Variants in ST6GAL1 observed in about 807,000 individuals in gnomAD.
ST6GAL1 encodes the protein beta-galactoside alpha-2,6-sialyltransferase 1.
A neutral mutation model predicts 38.0 loss-of-function variants in ST6GAL1; 20 were observed. The ratio of observed to expected loss-of-function variants is 0.53; its 90% CI spans 0.37 to 0.77. ST6GAL1 has a LOEUF of 0.77. Among genes scored for constraint, ST6GAL1 ranks in the 30% least tolerant of loss-of-function variants. The pLI is 0.00. For missense variants in ST6GAL1, 432 were observed against 496.4 expected (o/e 0.87, Z 1.23); for synonymous variants, 196 against 188.2 (o/e 1.04, Z -0.34).
intron 3 of ST6GAL1, among the ~76,000 whole-genome samples, chr3:187,040,781 C>G (rs1311124810): frequency 6.6e-6 from 1 of 152,208 alleles, no homozygotes; most frequent in East Asian, 1.9e-4. Context: ...ACTTCATGAT[C>G]TTCTATCTGA....
chr3:187,010,929 A>G (rs1381815576), intron 2 of ST6GAL1, among the ~76,000 whole-genome samples: 1 of 152,116 alleles, frequency 6.6e-6, no homozygotes, highest in Non-Finnish European at 1.5e-5. Flanking sequence ...CCCCTTTCTA[A>G]ACCAAAGTAT....
At chr3:187,052,366 T>C (rs1474978562) in intron 5 of ST6GAL1, among the ~76,000 whole-genome samples, 2 of 152,180 alleles carry the variant, frequency 1.3e-5, no homozygotes, top group African/African-American at 4.8e-5. Flanking sequence ...GTTACATAGA[T>C]ATACATGTGC....
At chr3:187,071,826 C>A (rs1579386307) in intron 5 of ST6GAL1, 1 of 148,162 alleles carries the variant, frequency 6.7e-6, no homozygotes, top group Non-Finnish European at 1.5e-5. Context: ...AGTAAGATTA[C>A]TCTTATTTGC....
At chr3:187,065,818 T>C (rs555086168) in intron 5 of ST6GAL1, among the ~76,000 whole-genome samples, 1 of 152,340 alleles carries the variant, frequency 6.6e-6, no homozygotes, top group Non-Finnish European at 1.5e-5. Flanking sequence ...ATATTATATA[T>C]ACCATCTAAG....
rs550174031 is a variant in ST6GAL1, at chr3:187,053,269, G to A, written c.705+1923G>A. On this transcript the variant is annotated intron_variant, in intron 5 of 7. Coordinates refer to ENST00000169298, the MANE Select transcript of ST6GAL1 (RefSeq NM_173216.2). ...AGGTTGGCTGTTCACTCTGATGGTC[G>A]TTTCTTTTGCTGTGCAGAAGCTCTT... Among the ~76,000 whole-genome samples the A allele has an allele frequency of 2.3e-4, 35 of 152,208 alleles. No homozygotes were observed. The South Asian group carries it at 6.6e-3, about 29-fold the overall frequency.
intron 4 of ST6GAL1, among the ~76,000 whole-genome samples, chr3:187,047,683 T>A (rs1718346760): frequency 6.6e-6 from 1 of 152,204 alleles, no homozygotes; most frequent in Admixed American, 6.5e-5. Context: ...CTCTTGGTGA[T>A]TTCTTAGAGG....
chr3:186,953,174 G>T (rs1029639575), intron 1 of ST6GAL1, among the ~76,000 whole-genome samples: 2 of 152,094 alleles, frequency 1.3e-5, no homozygotes, highest in Non-Finnish European at 2.9e-5. Flanking sequence ...TTTAAAAGCT[G>T]TAGTGATGTG....
chr3:186,989,927 T>A (rs1295178966), intron 2 of ST6GAL1, among the ~76,000 whole-genome samples: 1 of 152,180 alleles, frequency 6.6e-6, no homozygotes, highest in Non-Finnish European at 1.5e-5. Flanking sequence ...CCCTTCCTTA[T>A]CCACCCTTAT....
At chr3:186,971,114 G>GT (rs1398362112) in intron 2 of ST6GAL1, among the ~76,000 whole-genome samples, 3 of 152,198 alleles carry the variant, frequency 2.0e-5, no homozygotes, top group African/African-American at 7.2e-5. Context: ...TGGACACGGA[G>GT]TTTCACTCTT....
intron 5 of ST6GAL1, among the ~76,000 whole-genome samples, chr3:187,061,002 A>G (rs1028709761): frequency 2.0e-5 from 3 of 152,252 alleles, no homozygotes; most frequent in Admixed American, 6.5e-5. Context: ...TGAATAAATA[A>G]GCAAATTCAA....
intron 1 of ST6GAL1, among the ~76,000 whole-genome samples, chr3:186,934,314 A>G (rs528743972): frequency 6.6e-6 from 1 of 152,234 alleles, no homozygotes; most frequent in African/African-American, 2.4e-5. Flanking sequence ...AGGAGGGAAG[A>G]GTTCGAATTC....
At chr3:186,934,821 C>T (rs888784425) in intron 1 of ST6GAL1, among the ~76,000 whole-genome samples, 5 of 151,554 alleles carry the variant, frequency 3.3e-5, no homozygotes, top group African/African-American at 1.2e-4. Context: ...GGCTGGAGTG[C>T]AGTGGTGCAA....
intron 4 of ST6GAL1, among the ~76,000 whole-genome samples, chr3:187,048,525 C>T (rs1272645484): frequency 2.0e-5 from 3 of 152,156 alleles, no homozygotes; most frequent in African/African-American, 4.8e-5. Context: ...CTCAGTGTCT[C>T]TGGCACACAG....
At chr3:187,059,222 A>C (rs1354623630) in intron 5 of ST6GAL1, among the ~76,000 whole-genome samples, 1 of 152,158 alleles carries the variant, frequency 6.6e-6, no homozygotes, top group East Asian at 1.9e-4. Flanking sequence ...AGACATTCAG[A>C]TACCCCTGGC....
chr3:187,060,034 TAC>T (rs1316175470), intron 5 of ST6GAL1, among the ~76,000 whole-genome samples: 1 of 152,102 alleles, frequency 6.6e-6, no homozygotes, highest in African/African-American at 2.4e-5. Flanking sequence ...ACAGCATGGG[TAC>T]AGTTTTGTGT....
chr3:186,944,619 A>G (rs1462536503), intron 1 of ST6GAL1, among the ~76,000 whole-genome samples: 2 of 152,264 alleles, frequency 1.3e-5, no homozygotes, highest in African/African-American at 2.4e-5. Context: ...AAACAATGTC[A>G]TTACAGAAAA....
chr3:186,971,245 T>C (rs1715339454), intron 2 of ST6GAL1, among the ~76,000 whole-genome samples: 1 of 152,218 alleles, frequency 6.6e-6, no homozygotes, highest in African/African-American at 2.4e-5. Context: ...TGCGCCACCA[T>C]GCCTGGCTAA....
chr3:186,944,607 A>G (rs530312291), intron 1 of ST6GAL1, among the ~76,000 whole-genome samples: 1 of 152,382 alleles, frequency 6.6e-6, no homozygotes, highest in Admixed American at 6.5e-5. Context: ...CATTGGGGAT[A>G]AAAACAATGT....
intron 2 of ST6GAL1, among the ~76,000 whole-genome samples, chr3:187,026,790 A>T (rs529146907): frequency 5.3e-4 from 81 of 152,348 alleles, no homozygotes; most frequent in African/African-American, 1.9e-3. Flanking sequence ...TCACGCCTGT[A>T]ATCCCAGCAC....
Sources: gnomAD v4.1 joint callset for allele counts (sites outside exome capture counted in the v4.1 genomes callset) on GRCh38, gnomAD v4.1.1 for gene constraint, MANE v1.5 for transcripts, NCBI Gene and HGNC (gene_info 2026-07-23, HGNC 2026-07-21) for gene names.